The following NAT16 variants were observed in gnomAD, a reference collection of about 807,000 sequenced individuals.
NAT16 encodes probable N-acetyltransferase 16.
NAT16 carries 16 observed loss-of-function variants against 15.9 expected under a neutral mutation model. That is an observed-to-expected ratio of 1.01 (90% CI 0.68 to 1.53). The LOEUF (loss-of-function observed/expected upper bound fraction) is 1.53. Among genes scored for constraint, NAT16 ranks in the 40% most tolerant of loss-of-function variants. NAT16 has a pLI of 0.00. For synonymous variants in NAT16, 260 were observed against 241.9 expected, an observed-to-expected ratio of 1.07 and a Z score of -0.69; for missense variants, 572 against 508.4, an observed-to-expected ratio of 1.13 and a Z score of -1.20.
intron 1 of NAT16, among the ~76,000 whole-genome samples, chr7:101,175,727 A>G (rs963454320): frequency 2.0e-5 from 3 of 152,136 alleles, no homozygotes; most frequent in Admixed American, 6.5e-5. Context: ...ATGGAGTTTA[A>G]GAACAGCCTG....
rs1439712240 is a variant in NAT16, at chr7:101,173,399, T to G, written c.434A>C (p.Gln145Pro). Residue 145 changes from glutamine to proline, a missense_variant, in exon 3 of 4, where the codon CAG becomes CCG. Coordinates refer to ENST00000300303, the MANE Select transcript of NAT16 (RefSeq NM_198571.3). ...VAGLLQRFCSQLVKRQHPGVK... is the reference protein window; with the variant it reads ...VAGLLQRFCSPLVKRQHPGVK... ...CCCCGGGTGCTGTCTCTTGACCAGCTGCGAGCAGAAGCGCTGCAGCAGCCC... is the reference window on the plus strand; with the variant it reads ...CCCCGGGTGCTGTCTCTTGACCAGCGGCGAGCAGAAGCGCTGCAGCAGCCC... 5.6e-6 allele frequency: 9 copies of G among 1,613,732 alleles called. No individual in the cohort carries two copies. In the South Asian group the frequency reaches 8.8e-5, roughly 16 times the overall value.
chr7:101,173,835 A>G, intron 2 of NAT16: 1 of 396,714 alleles, frequency 2.5e-6, no homozygotes, highest in Non-Finnish European at 4.5e-6. Context: ...GCGATCCCCT[A>G]CACCCCCAAG....
intron 1 of NAT16, among the ~76,000 whole-genome samples, chr7:101,175,044 TC>T (rs1797437389): frequency 6.6e-6 from 1 of 152,174 alleles, no homozygotes; most frequent in African/African-American, 2.4e-5. Flanking sequence ...AACCTCTGCC[TC>T]CCCGCTTCAA....
Position 101,172,111 on chromosome 7 carries a change from T to A in NAT16, c.1078A>T (p.Thr360Ser). Reference sequence around the variant, plus strand: ...TCGGCCTCCAGCAGGTACTGTTCAGTATAACCCTTCACCAGCTCCAGTCCC... The same window carrying A: ...TCGGCCTCCAGCAGGTACTGTTCAGAATAACCCTTCACCAGCTCCAGTCCC... ...GLGLELVKGY[T>S]EQYLLEADI The change falls in exon 4 of 4, where the codon ACT (threonine) becomes TCT (serine). Residue 360 changes from threonine to serine, a missense_variant. Coordinates refer to ENST00000300303, the MANE Select transcript of NAT16 (RefSeq NM_198571.3). This position sits in a 1 kb window ranked among gnomAD's most constrained non-coding sequence, Gnocchi z 4.2. The A allele has an allele frequency of 6.2e-7, 1 of 1,613,814 alleles. No individual in the cohort carries two copies. The highest frequency in any genetic ancestry group is 1.3e-5 in the African/African-American group (1 of 74,958).
chr7:101,179,463 C>T (rs1278558838), intron 1 of NAT16, among the ~76,000 whole-genome samples: 1 of 147,614 alleles, frequency 6.8e-6, no homozygotes, highest in African/African-American at 2.5e-5. Context: ...GTATGGGGGG[C>T]GGGGATCCGT....
Position 101,173,330 on chromosome 7 carries a change from C to CGG in NAT16, c.501_502dup (p.Arg168ProfsTer4). On this transcript the variant is annotated frameshift_variant, in exon 3 of 4. Coordinates refer to ENST00000300303, the MANE Select transcript of NAT16 (RefSeq NM_198571.3). LOFTEE classifies it low-confidence loss of function (END_TRUNC). ...GATTAGGCGGTATTTCTTCAGCTCCCGGGGGCCCAGCTGGTCGTCCCGGGT... is the reference window on the plus strand; with the variant it reads ...GATTAGGCGGTATTTCTTCAGCTCCCGGGGGGGCCCAGCTGGTCGTCCCGGGT... 2.5e-6 allele frequency: 4 copies of CGG among 1,614,024 alleles called. No individual in the cohort carries two copies. The highest frequency in any genetic ancestry group is 3.4e-6 in the Non-Finnish European group (4 of 1,179,986).
rs890557561 is a variant in NAT16 at position 101,172,112 on chromosome 7, A to T, written c.1077T>A (p.Tyr359Ter). The T allele has an allele frequency of 1.2e-6, 2 of 1,613,982 alleles. No individual in the cohort carries two copies. Residue 359 changes from tyrosine to a stop codon, truncating the protein, a stop_gained, in exon 4 of 4, where the codon TAT becomes TAA. Transcript: ENST00000300303. LOFTEE classifies it high-confidence loss of function. The surrounding 1 kb of genome is among the most constrained non-coding windows in gnomAD (Gnocchi z 4.2). The stretch of plus-strand genomic sequence containing the variant: ...CGGCCTCCAGCAGGTACTGTTCAGT[A>T]TAACCCTTCACCAGCTCCAGTCCCA... Reference protein sequence around the residue: ...VGLGLELVKGYTEQYLLEADI With the variant: ...VGLGLELVKG
Position 101,171,772 on chromosome 7 carries a change from G to T in NAT16, c.*307C>A, listed in dbSNP as rs191147068. 157 of 330,412 alleles carry T rather than the reference G, an allele frequency of 4.8e-4. No individual in the cohort carries two copies. Among genetic ancestry groups the T allele is most frequent in the African/African-American group, 3.2e-3 (147 of 45,606 alleles). The allele number at this position is 330,412 out of a possible 1,614,324, so 20.5% of individuals were successfully genotyped here. On this transcript the variant is annotated 3_prime_UTR_variant, in exon 4 of 4. Transcript: ENST00000300303. Reference sequence around the variant, plus strand: ...GGGAAGGAAGGACTCTGAAGCCTGTGCGGGGACCAGTTCTTTGGAAAAACA... The same window carrying T: ...GGGAAGGAAGGACTCTGAAGCCTGTTCGGGGACCAGTTCTTTGGAAAAACA...
chr7:101,178,332 G>A (rs1797510821), intron 1 of NAT16, among the ~76,000 whole-genome samples: 1 of 152,046 alleles, frequency 6.6e-6, no homozygotes, highest in South Asian at 2.1e-4. Flanking sequence ...CTTAAACCTT[G>A]GAGGAGGCGA....
Position 101,172,372 on chromosome 7 carries a change from G to A in NAT16, c.817C>T (p.Arg273Cys). Residue 273 changes from arginine (R) to cysteine (C), a missense_variant, in exon 4 of 4, where the codon CGC becomes TGC. Physicochemically the swap from Arg to Cys is radical, Grantham distance 180. Coordinates refer to ENST00000300303, the MANE Select transcript of NAT16 (RefSeq NM_198571.3). This position sits in a 1 kb window ranked among gnomAD's most constrained non-coding sequence, Gnocchi z 4.2. The part of the protein sequence containing the change: ...GLEWRVDSRA[R>C]PRVLTLCTRP... ...GTGCACAGCGTGAGCACGCGCGGGC[G>A]CGCGCGGCTGTCCACGCGCCACTCC... 1 of 1,572,108 alleles carries A rather than the reference G, an allele frequency of 6.4e-7. No homozygotes were observed. The highest frequency in any genetic ancestry group is 8.6e-7 in the Non-Finnish European group (1 of 1,162,166).
Position 101,172,859 on chromosome 7 carries a change from G to A in NAT16, c.538-208C>T, listed in dbSNP as rs1773916026. On this transcript the variant is annotated intron_variant, in intron 3 of 3. Coordinates refer to ENST00000300303, the MANE Select transcript of NAT16 (RefSeq NM_198571.3). The surrounding 1 kb of genome is among the most constrained non-coding windows in gnomAD (Gnocchi z 4.2). ...TACCAGACAGGGACCAGGGGCACGG[G>A]CTCCCAGTACGTGGATCCCCAAGAA... Among the ~76,000 whole-genome samples, 1 of 152,220 alleles carries A rather than the reference G, an allele frequency of 6.6e-6. No individual in the cohort carries two copies. The highest frequency in any genetic ancestry group is 6.5e-5 in the Admixed American group (1 of 15,290).
Position 101,174,776 on chromosome 7 carries a change from G to A in NAT16, c.32C>T (p.Thr11Ile), listed in dbSNP as rs141768939. 1 of 1,587,208 alleles carries A rather than the reference G, an allele frequency of 6.3e-7. No individual in the cohort carries two copies. Among genetic ancestry groups the A allele is most frequent in the South Asian group, 1.1e-5 (1 of 90,166 alleles). Reference sequence around the variant, plus strand: ...CTTTTCCGGCTTAGGGACCTCTGAGGTGGCTGTGCCACAGCTGGCTTCCAG... The same window carrying A: ...CTTTTCCGGCTTAGGGACCTCTGAGATGGCTGTGCCACAGCTGGCTTCCAG... MKLEASCGTATSEVPKPEKKT... is the reference protein window; with the variant it reads MKLEASCGTAISEVPKPEKKT... Residue 11 changes from threonine to isoleucine, a missense_variant, in exon 2 of 4, where the codon ACC becomes ATC. Physicochemically the swap from Thr to Ile is moderately conservative, Grantham distance 89 (BLOSUM62 -1). Coordinates refer to ENST00000300303, the MANE Select transcript of NAT16 (RefSeq NM_198571.3).
intron 1 of NAT16, among the ~76,000 whole-genome samples, chr7:101,179,549 G>A (rs1797545642): frequency 6.7e-6 from 1 of 149,862 alleles, no homozygotes; most frequent in South Asian, 2.1e-4. Flanking sequence ...CAGAGACGGG[G>A]AGAGGCGATG....
At chr7:101,176,126 C>A (rs1584223646) in intron 1 of NAT16, among the ~76,000 whole-genome samples, 1 of 152,060 alleles carries the variant, frequency 6.6e-6, no homozygotes, top group African/African-American at 2.4e-5. Context: ...AGGGTGTAGA[C>A]CCCAAATATC....
In NAT16 at chr7:101,173,456, A is replaced by G. The variant is rs746429184; in HGVS notation, c.377T>C (p.Val126Ala). 3.7e-5 allele frequency: 60 copies of G among 1,611,834 alleles called. No individual in the cohort carries two copies. Among genetic ancestry groups the G allele is most frequent in the Middle Eastern group, 1.6e-4 (1 of 6,066 alleles). The change falls in exon 3 of 4, where the codon GTG (valine) becomes GCG (alanine). Residue 126 changes from valine to alanine, a missense_variant. Coordinates refer to ENST00000300303, the MANE Select transcript of NAT16 (RefSeq NM_198571.3). ...GCCCTTCCCGCGCTCCCAGGGCGCC[A>G]CGCGCAGCCCCTCCACCAGCACCGT... ...GETVLVEGLR[V>A]APWERGKGVA...
At chr7:101,179,303 G>C (rs528440957) in intron 1 of NAT16, 1 of 151,082 alleles carries the variant, frequency 6.6e-6, no homozygotes, top group Admixed American at 6.6e-5. Context: ...GACAGGCAGG[G>C]AAGCCGGAGG....
chr7:101,177,538 A>G (rs1425722743), intron 1 of NAT16, among the ~76,000 whole-genome samples: 1 of 151,774 alleles, frequency 6.6e-6, no homozygotes, highest in Non-Finnish European at 1.5e-5. Flanking sequence ...TTTTGTAGAG[A>G]TGGGGGTCCC....
chr7:101,178,889 C>CAAAAAAAAAAAAAAAAAA (rs71126381), intron 1 of NAT16, among the ~76,000 whole-genome samples: 1 of 62,084 alleles, frequency 1.6e-5, no homozygotes, highest in African/African-American at 8.3e-5. Flanking sequence ...GAAACGCTGT[C>CAAAAAAAAAAAAAAAAAA]AAAAAAAAAA....
At chr7:101,175,613 G>A (rs1300172806) in intron 1 of NAT16, among the ~76,000 whole-genome samples, 1 of 149,062 alleles carries the variant, frequency 6.7e-6, no homozygotes, top group Non-Finnish European at 1.5e-5. Flanking sequence ...AAAGGCACTT[G>A]GGGGTAGTTT....
Sources: allele counts gnomAD v4.1 joint callset (sites outside exome capture counted in the v4.1 genomes callset), GRCh38; gene constraint gnomAD v4.1.1; non-coding constraint Gnocchi (gnomAD v3.1); transcripts MANE v1.5; gene names NCBI Gene and HGNC (gene_info 2026-07-23, HGNC 2026-07-21).